Variants in FHIT observed in about 807,000 individuals in gnomAD.
FHIT encodes bis(5'-adenosyl)-triphosphatase.
A neutral mutation model predicts 17.9 loss-of-function variants in FHIT; 19 were observed. The observed-to-expected ratio is 1.06, with a 90% CI of 0.74 to 1.56. FHIT has a LOEUF of 1.56. Among genes scored for constraint, FHIT ranks in the 40% most tolerant of loss-of-function variants. The probability of loss-of-function intolerance (pLI) is 0.00; values close to 1 mark genes in which losing one functional copy is unlikely to be tolerated. For missense variants in FHIT, 248 were observed against 189.2 expected (o/e 1.31, Z -1.82); for synonymous variants, 81 against 69.7 (o/e 1.16, Z -0.81).
intron 7 of FHIT, among the ~76,000 whole-genome samples, chr3:60,004,084 G>A (rs1404717458): frequency 6.6e-6 from 1 of 152,066 alleles, no homozygotes; most frequent in East Asian, 1.9e-4. Context: ...ACAACAGTGA[G>A]TAACCGGCCT....
chr3:60,102,840 T>C (rs1381779485), intron 5 of FHIT, among the ~76,000 whole-genome samples: 1 of 152,110 alleles, frequency 6.6e-6, no homozygotes. Flanking sequence ...AAATGACACA[T>C]CTACATATCA....
intron 3 of FHIT, among the ~76,000 whole-genome samples, chr3:60,880,934 A>G (rs1553757837): frequency 6.6e-6 from 1 of 152,360 alleles, no homozygotes; most frequent in Non-Finnish European, 1.5e-5. Context: ...TGACTTATCA[A>G]TAATAACCTT....
chr3:59,849,094 G>C (rs970793744), intron 8 of FHIT, among the ~76,000 whole-genome samples: 5 of 152,186 alleles, frequency 3.3e-5, no homozygotes, highest in African/African-American at 1.2e-4. Context: ...TTCTCGGCCA[G>C]GCTCAGTGGC....
chr3:60,069,002 A>G (rs540929356), intron 5 of FHIT, among the ~76,000 whole-genome samples: 1 of 152,336 alleles, frequency 6.6e-6, no homozygotes, highest in South Asian at 2.1e-4. Flanking sequence ...TATTAAGTCA[A>G]TAAAAAGAAT....
At chr3:60,285,420 G>A (rs1707678192) in intron 5 of FHIT, among the ~76,000 whole-genome samples, 1 of 152,094 alleles carries the variant, frequency 6.6e-6, no homozygotes, top group African/African-American at 2.4e-5. Flanking sequence ...ACTATAGAAT[G>A]AGTGAGATAA....
intron 4 of FHIT, among the ~76,000 whole-genome samples, chr3:60,704,897 G>C (rs1553703097): frequency 2.0e-5 from 3 of 151,882 alleles, no homozygotes; most frequent in Admixed American, 6.6e-5. Context: ...CTGCTCTTTA[G>C]CCTCAAGAAA....
chr3:60,708,307 G>A (rs550948309), intron 4 of FHIT, among the ~76,000 whole-genome samples: 1 of 152,294 alleles, frequency 6.6e-6, no homozygotes, highest in South Asian at 2.1e-4. Context: ...CAGAGAGCAT[G>A]TATGATTGAC....
At chr3:59,911,195 A>G (rs1370555009) in intron 8 of FHIT, among the ~76,000 whole-genome samples, 3 of 152,222 alleles carry the variant, frequency 2.0e-5, no homozygotes, top group African/African-American at 7.2e-5. Flanking sequence ...TATTAAATAT[A>G]TTCCTCTATT....
intron 5 of FHIT, among the ~76,000 whole-genome samples, chr3:60,305,055 C>T (rs1309858185): frequency 3.9e-5 from 6 of 152,094 alleles, no homozygotes; most frequent in Non-Finnish European, 7.4e-5. Context: ...TCCTACCACT[C>T]GTGTCTGTAA....
chr3:60,524,817 G>A (rs1336989522), intron 5 of FHIT, among the ~76,000 whole-genome samples: 1 of 152,126 alleles, frequency 6.6e-6, no homozygotes, highest in African/African-American at 2.4e-5. Context: ...GGATTTGCCT[G>A]GCTGATCCAG....
At chr3:60,720,242 CTT>C (rs2107961747) in intron 4 of FHIT, among the ~76,000 whole-genome samples, 1 of 152,276 alleles carries the variant, frequency 6.6e-6, no homozygotes, top group East Asian at 1.9e-4. Flanking sequence ...CCCCTCAACT[CTT>C]TACCTGGTTA....
At chr3:61,038,319 T>A (rs532578820) in intron 3 of FHIT, among the ~76,000 whole-genome samples, 50 of 152,074 alleles carry the variant, frequency 3.3e-4, no homozygotes, top group Admixed American at 1.2e-3. Flanking sequence ...TAAGAAAAAA[T>A]AAGAGTGGTG....
intron 5 of FHIT, among the ~76,000 whole-genome samples, chr3:60,089,642 C>T (rs1703646290): frequency 1.3e-5 from 2 of 152,288 alleles, no homozygotes; most frequent in Middle Eastern, 3.4e-3. Context: ...ACCATTAGCG[C>T]TGCTCTAACA....
At chr3:60,362,136 T>A (rs919783327) in intron 5 of FHIT, among the ~76,000 whole-genome samples, 2 of 152,194 alleles carry the variant, frequency 1.3e-5, no homozygotes, top group Admixed American at 1.3e-4. Context: ...AGAATATATA[T>A]AGATAGTGAA....
chr3:60,899,940 C>T (rs1190236636), intron 3 of FHIT, among the ~76,000 whole-genome samples: 2 of 152,174 alleles, frequency 1.3e-5, no homozygotes, highest in African/African-American at 4.8e-5. Context: ...CTGAACACTG[C>T]ATACCGCACT....
chr3:60,723,464 A>G (rs563362948), intron 4 of FHIT, among the ~76,000 whole-genome samples: 1 of 152,202 alleles, frequency 6.6e-6, no homozygotes, highest in Admixed American at 6.5e-5. Context: ...TCCTTCTGGG[A>G]GTCTGGAATT....
intron 8 of FHIT, among the ~76,000 whole-genome samples, chr3:59,916,823 G>A (rs1376930730): frequency 6.6e-6 from 1 of 152,142 alleles, no homozygotes; most frequent in Non-Finnish European, 1.5e-5. Flanking sequence ...TGAATAAAAA[G>A]TCTCCATTAA....
chr3:60,276,665 G>A (rs1211357519), intron 5 of FHIT, among the ~76,000 whole-genome samples: 1 of 152,164 alleles, frequency 6.6e-6, no homozygotes, highest in Non-Finnish European at 1.5e-5. Context: ...AATTTTTAAA[G>A]AAAAGAGGTT....
intron 5 of FHIT, among the ~76,000 whole-genome samples, chr3:60,372,500 C>CT (rs1161768734): frequency 2.0e-5 from 3 of 152,102 alleles, no homozygotes; most frequent in African/African-American, 7.2e-5. Flanking sequence ...TTCCTGGTTT[C>CT]TTTTTCTTCC....
Sources: gnomAD v4.1 joint callset for allele counts (sites outside exome capture counted in the v4.1 genomes callset) on GRCh38, gnomAD v4.1.1 for gene constraint, MANE v1.5 for transcripts, NCBI Gene and HGNC (gene_info 2026-07-23, HGNC 2026-07-21) for gene names.